IMMP2L: variants seen among roughly 807,000 people sequenced by gnomAD.
The protein encoded by IMMP2L is inner mitochondrial membrane peptidase subunit 2.
IMMP2L carries 18 observed loss-of-function variants against 19.3 expected under a neutral mutation model. That is an observed-to-expected ratio of 0.93 (90% CI 0.64 to 1.38). The LOEUF is 1.38. IMMP2L is among the 40% of genes most tolerant of loss of function. The pLI, the probability that IMMP2L is intolerant of heterozygous loss-of-function variation, is 0.00. For synonymous variants in IMMP2L, 76 were observed against 73.0 expected (o/e 1.04, Z -0.21); for missense variants, 233 against 218.2 (o/e 1.07, Z -0.43).
rs150018195 is a variant in IMMP2L at position 111,259,738 on chromosome 7, A to G, written c.239+227500T>C. Among the ~76,000 whole-genome samples, 7 of 151,656 alleles carry G rather than the reference A, an allele frequency of 4.6e-5. No individual in the cohort carries two copies. In the East Asian group the frequency reaches 1.3e-3, roughly 29 times the overall value. ...AATCTTAAATTTTTTGACTTTTGTAATAACACAGCTTAAAACAAGCACATT... is the reference window on the plus strand; with the variant it reads ...AATCTTAAATTTTTTGACTTTTGTAGTAACACAGCTTAAAACAAGCACATT... On this transcript the variant is annotated intron_variant, in intron 3 of 5. Coordinates refer to ENST00000405709, the MANE Select transcript of IMMP2L (RefSeq NM_032549.4).
Position 110,838,467 on chromosome 7 carries a change from G to A in IMMP2L, c.408+48126C>T. Among the ~76,000 whole-genome samples the A allele has an allele frequency of 1.3e-5, 2 of 152,032 alleles. 1 individual carries two copies. Among genetic ancestry groups the A allele is most frequent in the Non-Finnish European group, 2.9e-5 (2 of 67,994 alleles). On this transcript the variant is annotated intron_variant, in intron 5 of 5. Coordinates refer to ENST00000405709, the MANE Select transcript of IMMP2L (RefSeq NM_032549.4). ...TCCAGTATGGCAGTACTGAAAGATGGGGGCCTTAAAAAGGTAACTGGATAA... is the reference window on the plus strand; with the variant it reads ...TCCAGTATGGCAGTACTGAAAGATGAGGGCCTTAAAAAGGTAACTGGATAA...
At chr7:110,730,276 G>A (rs1403958831) in intron 5 of IMMP2L, among the ~76,000 whole-genome samples, 1 of 152,086 alleles carries the variant, frequency 6.6e-6, no homozygotes, top group African/African-American at 2.4e-5. Context: ...CTGCCAACGT[G>A]GCTAGAATAA....
chr7:111,104,765 TC>T, intron 3 of IMMP2L, among the ~76,000 whole-genome samples: 1 of 151,754 alleles, frequency 6.6e-6, no homozygotes, highest in Non-Finnish European at 1.5e-5. Context: ...AAGCTACACT[TC>T]CTATCAAATT....
intron 4 of IMMP2L, among the ~76,000 whole-genome samples, chr7:110,935,020 T>C (rs560412179): frequency 3.9e-4 from 59 of 152,334 alleles, no homozygotes; most frequent in African/African-American, 1.4e-3. Context: ...TTTTTATGTG[T>C]GAATTTGATC....
At chr7:111,545,452 G>A (rs1257972192) in intron 1 of IMMP2L, among the ~76,000 whole-genome samples, 5 of 152,224 alleles carry the variant, frequency 3.3e-5, no homozygotes, top group East Asian at 3.9e-4. Flanking sequence ...GTGCAGCGGC[G>A]CAATCTCAGC....
At chr7:110,911,214 T>C (rs1813023234) in intron 4 of IMMP2L, among the ~76,000 whole-genome samples, 1 of 152,154 alleles carries the variant, frequency 6.6e-6, no homozygotes, top group African/African-American at 2.4e-5. Context: ...TGCACTCTCA[T>C]AGCCATTTAC....
intron 1 of IMMP2L, among the ~76,000 whole-genome samples, chr7:111,535,999 TAAG>T (rs1847854441): frequency 6.6e-6 from 1 of 152,052 alleles, no homozygotes; most frequent in African/African-American, 2.4e-5. Context: ...CTTTGGCCAC[TAAG>T]AAGTGCTTAG....
intron 1 of IMMP2L, among the ~76,000 whole-genome samples, chr7:111,550,919 A>T (rs1731558333): frequency 6.6e-6 from 1 of 152,312 alleles, no homozygotes; most frequent in Admixed American, 6.5e-5. Context: ...ACTGCTAAAG[A>T]GGGAAGTCAG....
chr7:111,445,439 T>C (rs1259609083), intron 3 of IMMP2L, among the ~76,000 whole-genome samples: 2 of 151,630 alleles, frequency 1.3e-5, no homozygotes, highest in African/African-American at 2.4e-5. Context: ...CATACATACA[T>C]AAGTTTAAAC....
intron 5 of IMMP2L, among the ~76,000 whole-genome samples, chr7:110,873,955 A>T (rs1308908751): frequency 6.6e-6 from 1 of 152,078 alleles, no homozygotes; most frequent in South Asian, 2.1e-4. Context: ...GGGGTAAAAA[A>T]ATCAGGGGCT....
At chr7:111,146,118 A>T (rs1236756399) in intron 3 of IMMP2L, among the ~76,000 whole-genome samples, 1 of 152,048 alleles carries the variant, frequency 6.6e-6, no homozygotes, top group East Asian at 1.9e-4. Context: ...AATGAGTGCA[A>T]TAGCTAAAAT....
At chr7:110,668,409 C>A (rs1791605348) in intron 5 of IMMP2L, among the ~76,000 whole-genome samples, 1 of 152,138 alleles carries the variant, frequency 6.6e-6, no homozygotes, top group African/African-American at 2.4e-5. Flanking sequence ...TCTACAATAA[C>A]CCTTTTTAAA....
intron 3 of IMMP2L, among the ~76,000 whole-genome samples, chr7:110,996,462 A>C (rs1023768777): frequency 6.6e-6 from 1 of 152,066 alleles, no homozygotes; most frequent in Non-Finnish European, 1.5e-5. Context: ...CCAATGAAGA[A>C]GCTGTAGGAT....
rs1797060800 is a variant in IMMP2L, at chr7:110,742,679, A to T, written c.409-78958T>A. Among the ~76,000 whole-genome samples, 2 of 151,544 alleles carry T rather than the reference A, an allele frequency of 1.3e-5. 1 individual carries two copies. Among genetic ancestry groups the T allele is most frequent in the South Asian group, 4.2e-4 (2 of 4,798 alleles). ...GCTACTCAGGAGGCTGAGGCAGAGGAATCACTTGAACTGGGAGGCAGAGGT... is the reference window on the plus strand; with the variant it reads ...GCTACTCAGGAGGCTGAGGCAGAGGTATCACTTGAACTGGGAGGCAGAGGT... On this transcript the variant is annotated intron_variant, in intron 5 of 5. Transcript: ENST00000405709.
At chr7:111,072,395 G>T (rs549721397) in intron 3 of IMMP2L, among the ~76,000 whole-genome samples, 73 of 152,342 alleles carry the variant, frequency 4.8e-4, no homozygotes, top group Admixed American at 2.0e-3. Context: ...CACAGTTGAT[G>T]TCACCGAATC....
chr7:111,223,163 A>C (rs138326976), intron 3 of IMMP2L, among the ~76,000 whole-genome samples: 5 of 152,166 alleles, frequency 3.3e-5, no homozygotes, highest in Non-Finnish European at 7.4e-5. Context: ...AAAAATATGC[A>C]TTATGGAAAA....
At chr7:111,300,757 A>G (rs1822131082) in intron 3 of IMMP2L, among the ~76,000 whole-genome samples, 2 of 152,126 alleles carry the variant, frequency 1.3e-5, no homozygotes, top group Non-Finnish European at 2.9e-5. Flanking sequence ...CTGGAGATTC[A>G]GCCAGATTAT....
At chr7:111,424,912 A>G (rs921046560) in intron 3 of IMMP2L, among the ~76,000 whole-genome samples, 2 of 151,794 alleles carry the variant, frequency 1.3e-5, no homozygotes, top group African/African-American at 4.9e-5. Context: ...TTTCAGGTTT[A>G]CACAGTCTGC....
rs1476483986 is a variant in IMMP2L, at chr7:111,529,557, CA to C, written c.-2-8109del. ...TCACTTGAAAATTCTCAGGAAAGAC[CA>C]AAATGGCACATACACAAAAAAAGAA... On this transcript the variant is annotated intron_variant, in intron 1 of 5. Transcript: ENST00000405709. Among the ~76,000 whole-genome samples the C allele has an allele frequency of 3.3e-5, 5 of 151,654 alleles. No individual in the cohort carries two copies. In the South Asian group the frequency reaches 8.3e-4, roughly 25 times the overall value.
Sources: allele counts gnomAD v4.1 joint callset (sites outside exome capture counted in the v4.1 genomes callset), GRCh38; gene constraint gnomAD v4.1.1; transcripts MANE v1.5; gene names NCBI Gene and HGNC (gene_info 2026-07-23, HGNC 2026-07-21).